The following PAK4 variants were observed in gnomAD, a reference collection of about 807,000 sequenced individuals.
PAK4 encodes the protein p21 (RAC1) activated kinase 4.
Under a neutral mutation model 53.5 loss-of-function variants are expected in PAK4, and 49 were observed. The observed-to-expected ratio is 0.92, with a 90% CI of 0.73 to 1.16. PAK4 has a LOEUF of 1.16. PAK4 is among the 50% of genes most tolerant of loss of function. The pLI, the probability that PAK4 is intolerant of heterozygous loss-of-function variation, is 0.00. For missense variants in PAK4, 824 were observed against 850.7 expected (o/e 0.97, Z 0.39); for synonymous variants, 376 against 375.6 (o/e 1.00, Z -0.01).
chr19:39,169,005 G>T (rs1428969013), intron 1 of PAK4, among the ~76,000 whole-genome samples: 1 of 152,166 alleles, frequency 6.6e-6, no homozygotes, highest in African/African-American at 2.4e-5. Flanking sequence ...CTAGCGGTGC[G>T]GTGTGGATGC....
downstream of PAK4, chr19:39,181,443 G>A (rs1298593005): frequency 6.6e-6 from 1 of 152,328 alleles, no homozygotes; most frequent in African/African-American, 2.4e-5. Flanking sequence ...GAGCCACAGA[G>A]TGCCAAGTGC....
At chr19:39,172,919 C>T in exon 3 of PAK4, 2 of 1,528,456 alleles carry the variant, frequency 1.3e-6, no homozygotes. Context: ...GGACCCCAGA[C>T]CATCGTGCGG....
chr19:39,160,665 G>A (rs561638107), intron 1 of PAK4, among the ~76,000 whole-genome samples: 4 of 152,328 alleles, frequency 2.6e-5, no homozygotes, highest in African/African-American at 4.8e-5. Flanking sequence ...GGAGAGAAGC[G>A]AGGGGAGGAG....
intron 1 of PAK4, chr19:39,168,632 A>G (rs2074418963): frequency 6.6e-6 from 1 of 152,126 alleles, no homozygotes; most frequent in South Asian, 2.1e-4. Flanking sequence ...CAGGCTCTCT[A>G]TGGGATGCCG....
chr19:39,178,695 C>T lies in PAK4; in HGVS notation c.*116C>T, dbSNP rs2074661401. 3 of 907,482 alleles carry T rather than the reference C, an allele frequency of 3.3e-6. No individual in the cohort carries two copies. The highest frequency in any genetic ancestry group is 3.4e-5 in the African/African-American group (2 of 58,272). 56.2% of individuals were successfully genotyped at this position (907,482 alleles called of 1,614,324 possible). On this transcript the variant is annotated 3_prime_UTR_variant, in exon 9 of 9. Coordinates refer to ENST00000358301, the Ensembl canonical transcript of PAK4. The surrounding 1 kb of genome is among the most constrained non-coding windows in gnomAD (Gnocchi z 4.4). ...AGCCCGGGAGATGCTCCGCGTGGCACCACCCTCCTTGCTGGGGGTAGATGA... is the reference window on the plus strand; with the variant it reads ...AGCCCGGGAGATGCTCCGCGTGGCATCACCCTCCTTGCTGGGGGTAGATGA...
chr19:39,154,343 G>T (rs562349874), intron 1 of PAK4, among the ~76,000 whole-genome samples: 2 of 152,250 alleles, frequency 1.3e-5, no homozygotes, highest in Admixed American at 1.3e-4. Flanking sequence ...ACAGAATATT[G>T]TGTGTCATGT....
At position 39,177,720 on chromosome 19, in the gene PAK4, G is replaced by T. The variant is rs141267072; in HGVS notation, c.1531G>T (p.Gly511Ter). 3 of 1,613,494 alleles carry T rather than the reference G, an allele frequency of 1.9e-6. No individual in the cohort carries two copies. The highest frequency in any genetic ancestry group is 1.3e-5 in the African/African-American group (1 of 74,904). ...GATAATGGTGATTGAGATGGTGGAC[G>T]GAGAGCCCCCCTACTTCAACGAGCC... Residue 511 changes from glycine to a stop codon, truncating the protein, a stop_gained, in exon 8 of 9, where the codon GGA becomes TGA. Coordinates refer to ENST00000358301, the Ensembl canonical transcript of PAK4. LOFTEE classifies it high-confidence loss of function.
chr19:39,158,199 G>T (rs934387611), intron 1 of PAK4, among the ~76,000 whole-genome samples: 2 of 152,050 alleles, frequency 1.3e-5, no homozygotes, highest in African/African-American at 4.8e-5. Flanking sequence ...GAGCGTGCAT[G>T]TATGTGCATG....
intron 1 of PAK4, among the ~76,000 whole-genome samples, chr19:39,165,192 G>GATAATAATAATA (rs74176492): frequency 0.013 from 1,720 of 130,436 alleles, 14 homozygotes; most frequent in Middle Eastern, 0.031. Flanking sequence ...TGATGATGAT[G>GATAATAATAATA]ATGATAATAA....
At chr19:39,133,844 G>A (rs991774864) in intron 1 of PAK4, among the ~76,000 whole-genome samples, 7 of 152,208 alleles carry the variant, frequency 4.6e-5, no homozygotes, top group African/African-American at 1.2e-4. Flanking sequence ...TCCCAGAGGC[G>A]GAAGGCGGCC....
chr19:39,127,792 G>C (rs61175300), intron 1 of PAK4, among the ~76,000 whole-genome samples: 18,640 of 152,232 alleles, frequency 0.12, 1,193 homozygotes, highest in East Asian at 0.21. Flanking sequence ...CCTACCCTGG[G>C]CTGAAGCCTG....
At chr19:39,176,495 T>A (rs566934554) in intron 6 of PAK4, 95 bp from the exon 8 acceptor site, 1 of 1,538,168 alleles carries the variant, frequency 6.5e-7, no homozygotes, top group East Asian at 2.3e-5. Flanking sequence ...GGCCGCACAT[T>A]GTGTCTGAAG....
rs775686647 is a variant in PAK4 at position 39,174,014 on chromosome 19, C to T, written c.1098+4C>T. The T allele has an allele frequency of 1.2e-5, 19 of 1,563,930 alleles. No individual in the cohort carries two copies. In the East Asian group the frequency reaches 2.6e-4, roughly 21 times the overall value. ...GCGCGAGCTGCTCTTCAACGAGGTG[C>T]GGGCGCTGCTGCCCTGCCGCCCTGC... On this transcript the variant is annotated splice_donor_region_variant and intron_variant, in intron 4 of 8. Transcript: ENST00000358301.
At chr19:39,172,101 G>A (rs1227083539) in intron 2 of PAK4, among the ~76,000 whole-genome samples, 5 of 152,198 alleles carry the variant, frequency 3.3e-5, no homozygotes, top group African/African-American at 1.2e-4. Flanking sequence ...GCCAGCAGAA[G>A]CCTCACTGAG....
chr19:39,128,385 C>A (rs1008322683), intron 1 of PAK4, among the ~76,000 whole-genome samples: 1 of 152,174 alleles, frequency 6.6e-6, no homozygotes, highest in Non-Finnish European at 1.5e-5. Context: ...CTACCTGGCT[C>A]TGGCAGGGTC....
intron 1 of PAK4, among the ~76,000 whole-genome samples, chr19:39,138,049 T>C (rs2073849560): frequency 6.6e-6 from 1 of 151,604 alleles, no homozygotes; most frequent in Admixed American, 6.6e-5. Context: ...TGGTTCAAGA[T>C]TGGCTCACTG....
intron 1 of PAK4, among the ~76,000 whole-genome samples, chr19:39,151,672 G>A (rs1013870520): frequency 3.9e-5 from 6 of 152,218 alleles, no homozygotes; most frequent in Non-Finnish European, 8.8e-5. Context: ...AGATCACCAA[G>A]ACCCACATAT....
At chr19:39,158,326 C>T (rs546142625) in intron 1 of PAK4, among the ~76,000 whole-genome samples, 51 of 152,162 alleles carry the variant, frequency 3.4e-4, no homozygotes, top group African/African-American at 1.2e-3. Context: ...TGGTTGCTGC[C>T]TGGTGTATGT....
chr19:39,142,809 C>T (rs2073932382), intron 1 of PAK4, among the ~76,000 whole-genome samples: 1 of 152,218 alleles, frequency 6.6e-6, no homozygotes, highest in Non-Finnish European at 1.5e-5. Flanking sequence ...AGCCTCTCTA[C>T]CTGCTTCCTT....
Sources: gnomAD v4.1 joint callset for allele counts (sites outside exome capture counted in the v4.1 genomes callset) on GRCh38, gnomAD v4.1.1 for gene constraint, Gnocchi (gnomAD v3.1) non-coding constraint, MANE v1.5 for transcripts, NCBI Gene and HGNC (gene_info 2026-07-23, HGNC 2026-07-21) for gene names.